Variants in KCNC2 observed in about 807,000 individuals in gnomAD.
KCNC2 encodes the protein potassium voltage-gated channel subfamily C member 2, also known as voltage-gated potassium channel KCNC2.
KCNC2 carries 21 observed loss-of-function variants against 44.5 expected under a neutral mutation model. The ratio of observed to expected loss-of-function variants is 0.47; its 90% confidence interval spans 0.33 to 0.68. The LOEUF (loss-of-function observed/expected upper bound fraction) is 0.68, where lower values mean the gene tolerates loss of function less well. Ranked by LOEUF, KCNC2 falls within the 30% of genes least tolerant of loss-of-function variation. KCNC2 has a pLI of 0.01. For missense variants in KCNC2, 589 were observed against 826.2 expected (o/e 0.71, Z 3.52); for synonymous variants, 391 against 339.1 (o/e 1.15, Z -1.68).
chr12:75,113,245 G>A (rs981192795), intron 2 of KCNC2, among the ~76,000 whole-genome samples: 1 of 152,040 alleles, frequency 6.6e-6, no homozygotes, highest in Non-Finnish European at 1.5e-5. Context: ...TAAAATTAAT[G>A]TACTAACTAA....
chr12:75,163,784 C>T (rs1468953649), intron 2 of KCNC2, among the ~76,000 whole-genome samples: 2 of 151,548 alleles, frequency 1.3e-5, no homozygotes, highest in East Asian at 1.9e-4. Flanking sequence ...TTCTTGAAAC[C>T]TAAAAACTTG....
intron 2 of KCNC2, among the ~76,000 whole-genome samples, chr12:75,084,269 T>TAGATAGATGA (rs1555207730): frequency 2.5e-5 from 3 of 120,862 alleles, no homozygotes; most frequent in African/African-American, 3.6e-5. Context: ...GATAGATAGA[T>TAGATAGATGA]TAGATAGATA....
intron 2 of KCNC2, among the ~76,000 whole-genome samples, chr12:75,139,519 A>C (rs1284252436): frequency 6.6e-6 from 1 of 152,218 alleles, no homozygotes; most frequent in South Asian, 2.1e-4. Flanking sequence ...TATGTGAACA[A>C]GAATTTTTGA....
chr12:75,074,239 T>G (rs1883700889), intron 2 of KCNC2, among the ~76,000 whole-genome samples: 1 of 148,984 alleles, frequency 6.7e-6, no homozygotes, highest in Non-Finnish European at 1.5e-5. Flanking sequence ...TAGATTTTTT[T>G]TTTTTTTTTT....
At chr12:75,173,372 T>C (rs904975556) in intron 2 of KCNC2, among the ~76,000 whole-genome samples, 1 of 151,884 alleles carries the variant, frequency 6.6e-6, no homozygotes, top group Admixed American at 6.6e-5. Flanking sequence ...ATTGAAATTA[T>C]CTTACAACAA....
At chr12:75,168,241 T>C (rs111341443) in intron 2 of KCNC2, among the ~76,000 whole-genome samples, 1 of 151,468 alleles carries the variant, frequency 6.6e-6, no homozygotes, top group African/African-American at 2.4e-5. Flanking sequence ...GTATTTACTA[T>C]GTTTCAGTCT....
chr12:75,078,153 T>C (rs1291203963), intron 2 of KCNC2, among the ~76,000 whole-genome samples: 1 of 152,248 alleles, frequency 6.6e-6, no homozygotes, highest in Non-Finnish European at 1.5e-5. Context: ...ATTAGAAATA[T>C]TGGTCAAAAG....
intron 2 of KCNC2, among the ~76,000 whole-genome samples, chr12:75,091,990 G>T (rs1212555865): frequency 6.6e-6 from 1 of 151,548 alleles, no homozygotes; most frequent in African/African-American, 2.4e-5. Context: ...TCTATATTCT[G>T]ATTTCCCTTA....
At chr12:75,128,256 C>A (rs1349234714) in intron 2 of KCNC2, among the ~76,000 whole-genome samples, 1 of 152,052 alleles carries the variant, frequency 6.6e-6, no homozygotes, top group Non-Finnish European at 1.5e-5. Context: ...AACTGGCCAG[C>A]CTCACATCCC....
At chr12:75,184,339 T>G (rs1469688255) in intron 2 of KCNC2, among the ~76,000 whole-genome samples, 1 of 152,210 alleles carries the variant, frequency 6.6e-6, no homozygotes, top group Non-Finnish European at 1.5e-5. Flanking sequence ...CATATGCATA[T>G]TTTTCCCAGG....
chr12:75,185,137 C>T (rs1426748759), intron 2 of KCNC2, among the ~76,000 whole-genome samples: 2 of 152,064 alleles, frequency 1.3e-5, no homozygotes, highest in Admixed American at 1.3e-4. Flanking sequence ...TTAAAAAGAA[C>T]TTAACTTGCA....
chr12:75,163,922 T>A (rs946235639), intron 2 of KCNC2, among the ~76,000 whole-genome samples: 1 of 151,692 alleles, frequency 6.6e-6, no homozygotes, highest in African/African-American at 2.4e-5. Context: ...CTACTGTTAC[T>A]GTGAAACAAA....
At chr12:75,152,311 C>T (rs1416032178) in intron 2 of KCNC2, among the ~76,000 whole-genome samples, 1 of 150,800 alleles carries the variant, frequency 6.6e-6, no homozygotes, top group Non-Finnish European at 1.5e-5. Context: ...ATCTTAAAAT[C>T]AACGAAAAAG....
chr12:75,102,825 G>A (rs181141976), intron 2 of KCNC2, among the ~76,000 whole-genome samples: 28 of 151,938 alleles, frequency 1.8e-4, no homozygotes, highest in East Asian at 7.7e-4. Context: ...CCACCCACAC[G>A]TTTATTAATA....
At chr12:75,055,854 G>A (rs1881689138) in intron 2 of KCNC2, among the ~76,000 whole-genome samples, 1 of 151,948 alleles carries the variant, frequency 6.6e-6, no homozygotes, top group Non-Finnish European at 1.5e-5. Context: ...ATGTATAATA[G>A]GCAGAGAGAA....
intron 2 of KCNC2, among the ~76,000 whole-genome samples, chr12:75,167,733 A>G (rs892114538): frequency 1.3e-5 from 2 of 151,340 alleles, no homozygotes; most frequent in East Asian, 3.9e-4. Flanking sequence ...GCTAAGAAAG[A>G]TTGAGTTATT....
At chr12:75,059,626 C>G (rs900522940) in intron 2 of KCNC2, among the ~76,000 whole-genome samples, 2 of 151,952 alleles carry the variant, frequency 1.3e-5, no homozygotes, top group African/African-American at 2.4e-5. Context: ...ATATCCCAGT[C>G]CAGGAAAATA....
Position 75,207,330 on chromosome 12 carries a change from G to A in KCNC2, c.654C>T (p.Leu218=). The part of the protein sequence containing the change: ...WRRLQPRMWA[L]FEDPYSSRAA... ...CTCTGGACGAGTAGGGGTCTTCGAA[G>A]AGGGCCCACATGCGGGGCTGCAGCC... The change falls in exon 2 of 5, where the codon CTC becomes CTT. Residue 218 remains leucine (L), a synonymous_variant. Coordinates refer to ENST00000549446, the MANE Select transcript of KCNC2 (RefSeq NM_139137.4). This position sits in a 1 kb window ranked among gnomAD's most constrained non-coding sequence, Gnocchi z 4.1. 2.6e-6 allele frequency: 4 copies of A among 1,567,488 alleles called. No individual in the cohort carries two copies. Among genetic ancestry groups the A allele is most frequent in the South Asian group, 1.2e-5 (1 of 84,836 alleles).
At chr12:75,052,880 T>C (rs1281388752) in intron 2 of KCNC2, among the ~76,000 whole-genome samples, 1 of 152,168 alleles carries the variant, frequency 6.6e-6, no homozygotes, top group African/African-American at 2.4e-5. Flanking sequence ...TGTATAGTAT[T>C]CTAAGGCAGG....
Sources: gnomAD v4.1 joint callset for allele counts (sites outside exome capture counted in the v4.1 genomes callset) on GRCh38, gnomAD v4.1.1 for gene constraint, Gnocchi (gnomAD v3.1) non-coding constraint, MANE v1.5 for transcripts, NCBI Gene and HGNC (gene_info 2026-07-23, HGNC 2026-07-21) for gene names.